The following RMDN2 variants were observed in gnomAD, a reference collection of about 807,000 sequenced individuals.
RMDN2 encodes the protein regulator of microtubule dynamics 2, also known as regulator of microtubule dynamics protein 2.
A neutral mutation model predicts 52.8 loss-of-function variants in RMDN2; 61 were observed. The observed-to-expected ratio is 1.16, with a 90% CI of 0.94 to 1.43. RMDN2 has a LOEUF of 1.43. RMDN2 is among the 40% of genes most tolerant of loss of function. The pLI, the probability that RMDN2 is intolerant of heterozygous loss-of-function variation, is 0.00. For missense variants in RMDN2, 592 were observed against 475.3 expected (o/e 1.25, Z -2.28); for synonymous variants, 180 against 153.1 (o/e 1.18, Z -1.30).
chr2:38,023,029 G>A (rs961420728), intron 10 of RMDN2, among the ~76,000 whole-genome samples: 3 of 152,162 alleles, frequency 2.0e-5, no homozygotes, highest in African/African-American at 7.2e-5. Context: ...TAGAATGGGG[G>A]CTCTAAGAAT....
intron 10 of RMDN2, among the ~76,000 whole-genome samples, chr2:38,062,785 A>G (rs1309330200): frequency 2.0e-5 from 2 of 100,646 alleles, no homozygotes; most frequent in Non-Finnish European, 4.0e-5. Context: ...CCCCCACAAC[A>G]GTCCCCAGTG....
intron 1 of RMDN2, 21 bp from the exon 2 acceptor site, chr2:37,929,241 C>A: frequency 1.5e-6 from 2 of 1,327,060 alleles, no homozygotes; most frequent in Non-Finnish European, 1.0e-6. Context: ...CATTCATTTA[C>A]ATTTATGTTT....
intron 2 of RMDN2, among the ~76,000 whole-genome samples, chr2:37,943,703 T>C (rs981276706): frequency 6.6e-6 from 1 of 152,188 alleles, no homozygotes; most frequent in African/African-American, 2.4e-5. Context: ...TTCATTGCGC[T>C]CCATTCTATT....
intron 7 of RMDN2, among the ~76,000 whole-genome samples, chr2:37,995,902 C>T (rs1008561657): frequency 1.3e-5 from 2 of 152,114 alleles, no homozygotes; most frequent in African/African-American, 4.8e-5. Context: ...ATTGTAAAAT[C>T]TCAGTATGAG....
At chr2:37,995,422 CTA>C (rs1265258840) in intron 7 of RMDN2, among the ~76,000 whole-genome samples, 1 of 151,812 alleles carries the variant, frequency 6.6e-6, no homozygotes, top group South Asian at 2.1e-4. Context: ...AAGAGTGTAA[CTA>C]TATAGTAAGT....
intron 10 of RMDN2, among the ~76,000 whole-genome samples, chr2:38,038,669 C>T (rs1680755930): frequency 6.6e-6 from 1 of 152,220 alleles, no homozygotes; most frequent in African/African-American, 2.4e-5. Context: ...ATAAAACCTG[C>T]CACATGGCAG....
At chr2:37,961,626 G>A (rs1670253451) in intron 2 of RMDN2, among the ~76,000 whole-genome samples, 1 of 151,948 alleles carries the variant, frequency 6.6e-6, no homozygotes, top group East Asian at 1.9e-4. Flanking sequence ...CCTTGCATTG[G>A]GTTAGGACAT....
At position 38,004,053 on chromosome 2, in the gene RMDN2, G is replaced by T; in HGVS notation, c.1098+9G>T. 6.2e-7 allele frequency: 1 copy of T among 1,611,482 alleles called. No homozygotes were observed. The highest frequency in any genetic ancestry group is 8.5e-7 in the Non-Finnish European group (1 of 1,177,776). ...ACATGTACTTAGCAAAGGTAATGAA[G>T]ACCACTGTTCTGCTTTAAGATCACT... On this transcript the variant is annotated intron_variant, in intron 9 of 10. Coordinates refer to ENST00000354545, the MANE Select transcript of RMDN2 (RefSeq NM_001170791.3).
chr2:38,005,452 G>C (rs1464014410), intron 10 of RMDN2, among the ~76,000 whole-genome samples: 16 of 152,276 alleles, frequency 1.1e-4, no homozygotes, highest in Non-Finnish European at 2.4e-4. Flanking sequence ...CTGATGGCCA[G>C]TGATGATGAG....
upstream of RMDN2, among the ~76,000 whole-genome samples, chr2:37,924,662 C>T (rs921182470): frequency 5.6e-4 from 85 of 152,228 alleles, no homozygotes; most frequent in African/African-American, 2.0e-3. Context: ...CCACCGCGCC[C>T]GGCCCAGTTT....
intron 4 of RMDN2, among the ~76,000 whole-genome samples, chr2:37,976,548 T>G (rs1265190549): frequency 6.6e-6 from 1 of 152,230 alleles, no homozygotes; most frequent in Non-Finnish European, 1.5e-5. Context: ...CACTTGGAGA[T>G]TCATTTGCTG....
At chr2:37,934,538 A>G (rs1404693317) in intron 2 of RMDN2, among the ~76,000 whole-genome samples, 4 of 151,970 alleles carry the variant, frequency 2.6e-5, no homozygotes, top group Non-Finnish European at 5.9e-5. Flanking sequence ...TGATTTATTT[A>G]TTTATATTTT....
chr2:37,948,431 C>T (rs1900234), intron 2 of RMDN2, among the ~76,000 whole-genome samples: 128,198 of 152,020 alleles, frequency 0.84, 54,459 homozygotes, highest in African/African-American at 0.93. Flanking sequence ...GTGGCTGTTG[C>T]AGAAAAGGAG....
At chr2:37,988,032 C>G (rs553321885) in intron 5 of RMDN2, among the ~76,000 whole-genome samples, 5 of 152,146 alleles carry the variant, frequency 3.3e-5, no homozygotes, top group Admixed American at 6.5e-5. Flanking sequence ...GCACTCCAGA[C>G]TGGGCGATAG....
chr2:37,995,225 A>G (rs773039837), intron 7 of RMDN2, among the ~76,000 whole-genome samples: 14 of 152,122 alleles, frequency 9.2e-5, no homozygotes, highest in Non-Finnish European at 1.9e-4. Context: ...AGTTATATCA[A>G]ATAGTAACCA....
intron 10 of RMDN2, among the ~76,000 whole-genome samples, chr2:38,042,083 T>C (rs113272630): frequency 1.3e-5 from 2 of 152,176 alleles, no homozygotes; most frequent in African/African-American, 4.8e-5. Flanking sequence ...TCTGTTGCTA[T>C]CTGCTTTGGA....
At chr2:37,954,332 G>A (rs927157666) in intron 2 of RMDN2, among the ~76,000 whole-genome samples, 15 of 152,012 alleles carry the variant, frequency 9.9e-5, no homozygotes, top group African/African-American at 3.4e-4. Context: ...ATAGCTTTAG[G>A]TTTTATATTT....
chr2:37,933,399 A>G (rs1667011192), intron 2 of RMDN2, among the ~76,000 whole-genome samples: 1 of 152,204 alleles, frequency 6.6e-6, no homozygotes, highest in South Asian at 2.1e-4. Flanking sequence ...CAATCTCGGC[A>G]CTTTGGGAGG....
downstream of RMDN2, among the ~76,000 whole-genome samples, chr2:38,021,083 G>C (rs959360343): frequency 1.3e-5 from 2 of 152,204 alleles, no homozygotes; most frequent in Admixed American, 6.5e-5. Context: ...TCAGCACCCT[G>C]TGTCTAGCTC....
Sources: gnomAD v4.1 joint callset for allele counts (sites outside exome capture counted in the v4.1 genomes callset) on GRCh38, gnomAD v4.1.1 for gene constraint, MANE v1.5 for transcripts, NCBI Gene and HGNC (gene_info 2026-07-23, HGNC 2026-07-21) for gene names.